Variants in DNAH7 observed in about 807,000 individuals in gnomAD.
The protein encoded by DNAH7 is axonemal beta dynein heavy chain 7.
A neutral mutation model predicts 444.6 loss-of-function variants in DNAH7; 397 were observed. The ratio of observed to expected loss-of-function variants is 0.89; its 90% CI spans 0.82 to 0.97. The LOEUF (loss-of-function observed/expected upper bound fraction) is 0.97, where lower values mean the gene tolerates loss of function less well. DNAH7 is among the 50% of genes least tolerant of loss of function. The pLI is 0.00. For synonymous variants in DNAH7, 1,636 were observed against 1,624.4 expected (o/e 1.01, Z -0.17); for missense variants, 4,902 against 4,800.8 (o/e 1.02, Z -0.62).
intron 1 of DNAH7, among the ~76,000 whole-genome samples, chr2:196,058,382 G>A (rs1291289696): frequency 6.6e-6 from 1 of 152,214 alleles, no homozygotes; most frequent in African/African-American, 2.4e-5. Flanking sequence ...GGATACGCCA[G>A]GAGGGCGATG....
intron 2 of DNAH7, among the ~76,000 whole-genome samples, chr2:196,052,027 T>C (rs1019339955): frequency 1.3e-5 from 2 of 152,250 alleles, no homozygotes; most frequent in Non-Finnish European, 2.9e-5. Context: ...AAAACCTTTT[T>C]ACTTGTATGC....
chr2:195,770,347 A>G (rs1373426023), intron 61 of DNAH7, among the ~76,000 whole-genome samples: 1 of 152,200 alleles, frequency 6.6e-6, no homozygotes, highest in African/African-American at 2.4e-5. Context: ...TATACTTTAA[A>G]ATCAAATAAA....
intron 30 of DNAH7, chr2:195,892,596 A>G (rs867192372): frequency 2.8e-4 from 42 of 152,090 alleles, no homozygotes; most frequent in African/African-American, 1.0e-3. Context: ...TTTCCTTATT[A>G]TTAACATCTT....
chr2:195,790,083 TC>T (rs769574668), intron 57 of DNAH7, among the ~76,000 whole-genome samples: 3 of 151,944 alleles, frequency 2.0e-5, no homozygotes, highest in African/African-American at 4.8e-5. Flanking sequence ...AATAGCTGCC[TC>T]CCACCCCACA....
At chr2:195,961,059 G>C (rs1691065606) in intron 17 of DNAH7, 114 bp from the exon 18 acceptor site, 2 of 789,802 alleles carry the variant, frequency 2.5e-6, no homozygotes, top group Non-Finnish European at 3.6e-6. Context: ...ACTAAGCCCT[G>C]AAGTTAAACT....
intron 64 of DNAH7, among the ~76,000 whole-genome samples, chr2:195,738,849 A>G (rs764369803): frequency 2.1e-4 from 32 of 152,332 alleles, no homozygotes; most frequent in Middle Eastern, 3.4e-3. Context: ...GACAGCCCCA[A>G]TGTTCAGACC....
chr2:195,898,350 T>C (rs942660259), intron 28 of DNAH7, among the ~76,000 whole-genome samples: 1 of 152,246 alleles, frequency 6.6e-6, no homozygotes, highest in African/African-American at 2.4e-5. Context: ...ACTTGTAATA[T>C]AATTTAAGTG....
At chr2:195,763,669 T>C (rs1442471142) in intron 61 of DNAH7, among the ~76,000 whole-genome samples, 1 of 152,056 alleles carries the variant, frequency 6.6e-6, no homozygotes, top group Non-Finnish European at 1.5e-5. Context: ...CTACCGGGAT[T>C]GGACCATGAG....
At chr2:196,068,115 G>C (rs955537818) in intron 1 of DNAH7, among the ~76,000 whole-genome samples, 4 of 152,136 alleles carry the variant, frequency 2.6e-5, no homozygotes, top group African/African-American at 7.2e-5. Flanking sequence ...CACATACCAT[G>C]GAATATCATC....
chr2:195,857,413 A>G lies in DNAH7; in HGVS notation c.8378T>C (p.Leu2793Pro). Reference sequence around the variant, plus strand: ...ATCCATTGCTATGACCCATTTGCACAGACCTTCGGCCGCTGTAGAAGCATT... The same window carrying G: ...ATCCATTGCTATGACCCATTTGCACGGACCTTCGGCCGCTGTAGAAGCATT... ...IRNASTAAEG[L>P]CKWVIAMDSY... Residue 2793 changes from leucine to proline, a missense_variant, in exon 44 of 65, where the codon CTG becomes CCG. Coordinates refer to ENST00000312428, the MANE Select transcript of DNAH7 (RefSeq NM_018897.3). 1 of 1,605,850 alleles carries G rather than the reference A, an allele frequency of 6.2e-7. No homozygotes were observed. Among genetic ancestry groups the G allele is most frequent in the South Asian group, 1.1e-5 (1 of 89,032 alleles).
At chr2:195,878,184 T>A (rs945960696) in intron 36 of DNAH7, among the ~76,000 whole-genome samples, 2 of 152,248 alleles carry the variant, frequency 1.3e-5, no homozygotes, top group African/African-American at 4.8e-5. Flanking sequence ...ATTATTTCAC[T>A]TAGCTTGCCT....
At chr2:195,795,269 C>G (rs1270960095) in intron 56 of DNAH7, among the ~76,000 whole-genome samples, 2 of 152,168 alleles carry the variant, frequency 1.3e-5, no homozygotes, top group African/African-American at 2.4e-5. Context: ...GTAATCCTAG[C>G]TACTCGGGAG....
At chr2:195,865,108 A>C in intron 40 of DNAH7, 87 bp from the exon 41 acceptor site, 1 of 1,302,406 alleles carries the variant, frequency 7.7e-7, no homozygotes, top group South Asian at 1.7e-5. Context: ...TCAGGTAATA[A>C]AAATATTAGA....
chr2:195,910,739 T>C (rs1442367686), intron 24 of DNAH7, among the ~76,000 whole-genome samples: 4 of 152,010 alleles, frequency 2.6e-5, no homozygotes, highest in African/African-American at 2.4e-5. Flanking sequence ...CCTATATAAA[T>C]CTAGAAGTCT....
intron 5 of DNAH7, among the ~76,000 whole-genome samples, chr2:196,045,105 AGGAGGAGGAGGAGGAGGAAGAGGAGAT>A (rs1697017580): frequency 6.7e-6 from 1 of 148,448 alleles, no homozygotes; most frequent in Non-Finnish European, 1.5e-5. Flanking sequence ...GAGAAGGTGA[AGGAGGAGGAGGAGGAGGAAGAGGAGAT>A]GGAGGAGGAG....
In DNAH7 at chr2:195,950,851, C is replaced by CAAAAAAAAA. The variant is rs67782183; in HGVS notation, c.3078+6401_3078+6409dup. 1.1e-3 allele frequency among the ~76,000 whole-genome samples: 41 copies of CAAAAAAAAA among 36,712 alleles called. 2 individuals carry two copies. The highest frequency in any genetic ancestry group is 3.7e-3 in the African/African-American group (39 of 10,472). 24.1% of individuals were successfully genotyped at this position (36,712 alleles called of 152,430 possible). ...TAGGCAACAGAGTGGGACTCTGTCT[C>CAAAAAAAAA]AAAAAAAAAAAAAAAAAAAAAAAAA... On this transcript the variant is annotated intron_variant, in intron 19 of 64. Transcript: ENST00000312428.
intron 19 of DNAH7, 101 bp from the exon 20 acceptor site, chr2:195,936,893 G>A (rs1689092081): frequency 4.9e-6 from 5 of 1,012,534 alleles, no homozygotes; most frequent in South Asian, 5.5e-5. Flanking sequence ...ATCAAACAAA[G>A]GTTATGTAAA....
In DNAH7 at chr2:195,853,451, G is replaced by A. The variant is rs765265261; in HGVS notation, c.8673C>T (p.Ser2891=). Residue 2891 remains serine, a synonymous_variant, in exon 46 of 65, where the codon AGC becomes AGT. Coordinates refer to ENST00000312428, the MANE Select transcript of DNAH7 (RefSeq NM_018897.3). Reference sequence around the variant, plus strand: ...GCTGACCTAGCTCCAGAGCTGTGTGGCTCCATCGAGTTTTCTCACCTCCAA... The same window carrying A: ...GCTGACCTAGCTCCAGAGCTGTGTGACTCCATCGAGTTTTCTCACCTCCAA... ...GGLGGEKTRW[S]HTALELGQLY... is the part of the protein sequence containing the mutation. 54 of 1,613,928 alleles carry A rather than the reference G, an allele frequency of 3.3e-5. No homozygotes were observed. The highest frequency in any genetic ancestry group is 8.3e-5 in the Admixed American group (5 of 59,990).
chr2:195,936,767 G>T lies in DNAH7; in HGVS notation c.3104C>A (p.Thr1035Asn), dbSNP rs368612455. 1 of 1,555,130 alleles carries T rather than the reference G, an allele frequency of 6.4e-7. No homozygotes were observed. The highest frequency in any genetic ancestry group is 1.3e-5 in the South Asian group (1 of 77,138). The change falls in exon 20 of 65, where the codon ACC becomes AAC. Residue 1035 changes from threonine to asparagine, a missense_variant. Thr to Asn is a moderately conservative substitution (Grantham distance 65). Transcript: ENST00000312428. ...MQDKHVLTVV[T>N]IDRMLERLKK... ...CAGCCTTTCCAGCATTCTGTCAATG[G>T]TTACAACTGTCAGAACATGTTTATC... is the stretch of plus-strand genomic sequence containing the variant.
Sources: allele counts gnomAD v4.1 joint callset (sites outside exome capture counted in the v4.1 genomes callset), GRCh38; gene constraint gnomAD v4.1.1; transcripts MANE v1.5; gene names NCBI Gene and HGNC (gene_info 2026-07-23, HGNC 2026-07-21).